RHOD: variants seen among roughly 807,000 people sequenced by gnomAD.
The protein encoded by RHOD is ras homolog family member D.
A neutral mutation model predicts 16.7 loss-of-function variants in RHOD; 11 were observed. The observed-to-expected ratio is 0.66, with a 90% CI of 0.41 to 1.09. The LOEUF (loss-of-function observed/expected upper bound fraction) is 1.09, where lower values mean the gene tolerates loss of function less well. Ranked by LOEUF, RHOD falls within the 50% of genes least tolerant of loss-of-function variation. The probability of loss-of-function intolerance (pLI) is 0.00; values close to 1 mark genes in which losing one functional copy is unlikely to be tolerated. For synonymous variants in RHOD, 124 were observed against 126.3 expected, an observed-to-expected ratio of 0.98 and a Z score of 0.12; for missense variants, 271 against 291.7, an observed-to-expected ratio of 0.93 and a Z score of 0.52.
intron 1 of RHOD, among the ~76,000 whole-genome samples, chr11:67,061,546 C>T (rs1236930178): frequency 6.6e-6 from 1 of 150,542 alleles, no homozygotes; most frequent in South Asian, 2.1e-4. Flanking sequence ...GCAGGAGAAT[C>T]GCTTGAACCT....
Position 67,071,736 on chromosome 11 carries a change from C to A in RHOD, c.*134C>A. ...ACAGACGGGCGCCACCAAAGCCAGG[C>A]CCTGAGGCCTGGGAGTCCTGGACTG... is the stretch of plus-strand genomic sequence containing the variant. On this transcript the variant is annotated 3_prime_UTR_variant, in exon 5 of 5. Transcript: ENST00000308831. The A allele has an allele frequency of 2.1e-6, 2 of 951,748 alleles. No homozygotes were observed. Among genetic ancestry groups the A allele is most frequent in the South Asian group, 1.8e-5 (1 of 57,122 alleles). 59.0% of individuals were successfully genotyped at this position (951,748 alleles called of 1,614,324 possible).
intron 1 of RHOD, among the ~76,000 whole-genome samples, chr11:67,061,632 C>CAAAAAAAAAAAAAAAAAAAAAAAA (rs56111361): frequency 2.2e-5 from 2 of 90,810 alleles, no homozygotes; most frequent in Non-Finnish European, 4.3e-5. Context: ...AACTCTGTCT[C>CAAAAAAAAAAAAAAAAAAAAAAAA]AAAAAAAAAA....
intron 4 of RHOD, among the ~76,000 whole-genome samples, 185 bp from the exon 5 acceptor site, chr11:67,071,250 A>G (rs1015352029): frequency 1.1e-4 from 17 of 152,050 alleles, no homozygotes; most frequent in African/African-American, 3.6e-4. Context: ...AAATAATAAT[A>G]ATAAAAATAA....
At chr11:67,057,061 C>G in intron 1 of RHOD, 27 bp downstream of exon 1, 5 of 1,414,786 alleles carry the variant, frequency 3.5e-6, no homozygotes, top group Non-Finnish European at 4.6e-6. Flanking sequence ...TCCGCCTCGC[C>G]CGGTTCCGCT....
chr11:67,058,555 C>T (rs1010059694), intron 1 of RHOD, among the ~76,000 whole-genome samples: 4 of 152,190 alleles, frequency 2.6e-5, no homozygotes, highest in Non-Finnish European at 5.9e-5. Flanking sequence ...AAGCGATCTG[C>T]CCGCCTCGGC....
chr11:67,066,728 C>T lies in RHOD; in HGVS notation c.221-10C>T, dbSNP rs368459828. 3.3e-5 allele frequency: 53 copies of T among 1,583,200 alleles called. No individual in the cohort carries two copies. The African/African-American group carries it at 4.8e-4, about 14-fold the overall frequency. On this transcript the variant is annotated splice_polypyrimidine_tract_variant and intron_variant, in intron 2 of 4. Transcript: ENST00000308831. Reference sequence around the variant, plus strand: ...GCCCTGAAGGCAGTGACCACCTCCACTCTGCCCAGGGCAAGATGACTATGA... The same window carrying T: ...GCCCTGAAGGCAGTGACCACCTCCATTCTGCCCAGGGCAAGATGACTATGA...
Position 67,071,745 on chromosome 11 carries a change from C to A in RHOD, c.*143C>A. ...CGCCACCAAAGCCAGGCCCTGAGGCCTGGGAGTCCTGGACTGAGAAAGGGG... is the reference window on the plus strand; with the variant it reads ...CGCCACCAAAGCCAGGCCCTGAGGCATGGGAGTCCTGGACTGAGAAAGGGG... On this transcript the variant is annotated 3_prime_UTR_variant, in exon 5 of 5. Coordinates refer to ENST00000308831, the MANE Select transcript of RHOD (RefSeq NM_014578.4). 1.2e-6 allele frequency: 1 copy of A among 830,826 alleles called. No homozygotes were observed. Among genetic ancestry groups the A allele is most frequent in the South Asian group, 1.8e-5 (1 of 54,452 alleles). 51.5% of individuals were successfully genotyped at this position (830,826 alleles called of 1,614,324 possible).
intron 1 of RHOD, among the ~76,000 whole-genome samples, chr11:67,057,995 T>A (rs1309510904): frequency 1.3e-5 from 2 of 152,146 alleles, no homozygotes; most frequent in Non-Finnish European, 2.9e-5. Context: ...TCTTCTTTTT[T>A]TTTATTTTTA....
chr11:67,061,837 T>C (rs1854894147), intron 1 of RHOD, among the ~76,000 whole-genome samples: 1 of 146,582 alleles, frequency 6.8e-6, no homozygotes, highest in Admixed American at 7.2e-5. Context: ...TGTGTGTGTG[T>C]GTGTGTGTAT....
chr11:67,058,976 A>T (rs1469517470), intron 1 of RHOD, among the ~76,000 whole-genome samples: 1 of 152,144 alleles, frequency 6.6e-6, no homozygotes, highest in African/African-American at 2.4e-5. Context: ...AGGGGAAGGC[A>T]CCTGATGGGC....
chr11:67,064,189 G>T (rs1385591106), intron 1 of RHOD, among the ~76,000 whole-genome samples: 14 of 149,548 alleles, frequency 9.4e-5, no homozygotes, highest in Admixed American at 2.0e-4. Context: ...GGTGGATCAC[G>T]AGGTCAGGAG....
chr11:67,061,051 T>G (rs1854880382), intron 1 of RHOD, among the ~76,000 whole-genome samples: 1 of 152,234 alleles, frequency 6.6e-6, no homozygotes, highest in Non-Finnish European at 1.5e-5. Context: ...AAAAGAGGTT[T>G]AATTGACTCA....
At chr11:67,060,880 T>C (rs1366514796) in intron 1 of RHOD, among the ~76,000 whole-genome samples, 2 of 151,988 alleles carry the variant, frequency 1.3e-5, no homozygotes, top group South Asian at 4.2e-4. Context: ...GGTGACTGAG[T>C]GGGTGGTCAA....
chr11:67,060,854 C>A (rs779230530), intron 1 of RHOD, among the ~76,000 whole-genome samples: 1 of 152,210 alleles, frequency 6.6e-6, no homozygotes, highest in Non-Finnish European at 1.5e-5. Context: ...GGCTGCCTTG[C>A]AGCTCAGATC....
chr11:67,071,724 AC>A lies in RHOD; in HGVS notation c.*124del. The A allele has an allele frequency of 9.2e-7, 1 of 1,090,502 alleles. No homozygotes were observed. The highest frequency in any genetic ancestry group is 2.9e-5 in the Admixed American group (1 of 34,360). 67.6% of individuals were successfully genotyped at this position (1,090,502 alleles called of 1,614,324 possible). ...AACTCCACTGCAACAGACGGGCGCC[AC>A]CAAAGCCAGGCCCTGAGGCCTGGGA... On this transcript the variant is annotated 3_prime_UTR_variant, in exon 5 of 5. Transcript: ENST00000308831.
intron 1 of RHOD, among the ~76,000 whole-genome samples, chr11:67,062,066 C>T (rs561661366): frequency 2.0e-5 from 3 of 152,224 alleles, no homozygotes; most frequent in Admixed American, 2.0e-4. Flanking sequence ...CCACCAGGTC[C>T]TTCCCTCGAC....
At position 67,057,050 on chromosome 11, in the gene RHOD, C is replaced by T; in HGVS notation, c.132+16C>T. On this transcript the variant is annotated intron_variant, in intron 1 of 4. Coordinates refer to ENST00000308831, the MANE Select transcript of RHOD (RefSeq NM_014578.4). ...CTTCCCCGAGGTGAGTGCCCCGCGC[C>T]TCCGCCTCGCCCGGTTCCGCTCGCG... The T allele has an allele frequency of 1.4e-6, 2 of 1,437,180 alleles. No individual in the cohort carries two copies. The highest frequency in any genetic ancestry group is 1.5e-5 in the African/African-American group (1 of 67,494). 89.0% of individuals were successfully genotyped at this position (1,437,180 alleles called of 1,614,324 possible).
chr11:67,061,755 A>AAAT (rs1555071107), intron 1 of RHOD, among the ~76,000 whole-genome samples: 58 of 127,252 alleles, frequency 4.6e-4, no homozygotes, highest in African/African-American at 1.8e-3. Context: ...AAAAAAAAAA[A>AAAT]ATATATATAT....
At chr11:67,062,951 T>C (rs1264353234) in intron 1 of RHOD, among the ~76,000 whole-genome samples, 1 of 152,210 alleles carries the variant, frequency 6.6e-6, no homozygotes, top group African/African-American at 2.4e-5. Flanking sequence ...CATTTTCATC[T>C]GTGTACAAAA....
Sources: allele counts gnomAD v4.1 joint callset (sites outside exome capture counted in the v4.1 genomes callset), GRCh38; gene constraint gnomAD v4.1.1; transcripts MANE v1.5; gene names NCBI Gene and HGNC (gene_info 2026-07-23, HGNC 2026-07-21).